The following EPHB2 variants were observed in gnomAD, a reference collection of about 807,000 sequenced individuals.
EPHB2 encodes the protein ephrin type-B receptor 2.
In EPHB2, 18 loss-of-function variants were observed where a neutral mutation model predicts 96.4. That is an observed-to-expected ratio of 0.19 (90% CI 0.13 to 0.28). The LOEUF is 0.28. EPHB2 is among the 10% of genes least tolerant of loss of function. EPHB2 has a pLI of 1.00. For synonymous variants in EPHB2, 506 were observed against 534.1 expected, an observed-to-expected ratio of 0.95 and a Z score of 0.72; for missense variants, 989 against 1,355.4, an observed-to-expected ratio of 0.73 and a Z score of 4.25.
intron 4 of EPHB2, among the ~76,000 whole-genome samples, chr1:22,864,034 C>CTT (rs201727615): frequency 9.0e-4 from 118 of 131,156 alleles, no homozygotes; most frequent in African/African-American, 3.7e-3. Flanking sequence ...AGTTTCTGTT[C>CTT]TTTTTTTTTT....
intron 5 of EPHB2, among the ~76,000 whole-genome samples, chr1:22,881,156 T>C (rs948507904): frequency 2.0e-5 from 3 of 152,112 alleles, no homozygotes; most frequent in Non-Finnish European, 4.4e-5. Context: ...ACCCCAGCAC[T>C]CTGGGAGACT....
At chr1:22,809,442 T>G (rs1333001047) in intron 3 of EPHB2, among the ~76,000 whole-genome samples, 1 of 152,198 alleles carries the variant, frequency 6.6e-6, no homozygotes, top group Non-Finnish European at 1.5e-5. Flanking sequence ...GGAAATACAG[T>G]CTTTATTCAT....
intron 3 of EPHB2, among the ~76,000 whole-genome samples, chr1:22,829,936 T>G (rs1364502652): frequency 1.3e-5 from 2 of 152,032 alleles, no homozygotes; most frequent in Non-Finnish European, 2.9e-5. Flanking sequence ...GTGATGGCAA[T>G]GGGGCAGGAG....
chr1:22,711,234 G>A (rs75261957), intron 1 of EPHB2, among the ~76,000 whole-genome samples, 191 bp downstream of exon 1: 8,692 of 147,004 alleles, frequency 0.059, 425 homozygotes, highest in East Asian at 0.26. Context: ...GGGAGCGGCG[G>A]GCGCTGATTG....
At chr1:22,792,732 A>C (rs1417149087) in intron 3 of EPHB2, among the ~76,000 whole-genome samples, 1 of 152,182 alleles carries the variant, frequency 6.6e-6, no homozygotes, top group Non-Finnish European at 1.5e-5. Flanking sequence ...GTCATGTGCC[A>C]GGCATTAGGG....
At chr1:22,782,777 G>GA (rs371210915) in intron 2 of EPHB2, among the ~76,000 whole-genome samples, 49 of 148,322 alleles carry the variant, frequency 3.3e-4, no homozygotes, top group East Asian at 9.8e-4. Flanking sequence ...CCACCAAAAA[G>GA]AAAAAAAAAA....
chr1:22,898,428 G>C lies in EPHB2; in HGVS notation c.1765+1950G>C, dbSNP rs748669688. Among the ~76,000 whole-genome samples the C allele has an allele frequency of 1.6e-4, 24 of 152,314 alleles. 1 individual carries two copies. The highest frequency in any genetic ancestry group is 1.1e-3 in the Admixed American group (17 of 15,296). ...GGAACAGCCAATACAAAGGTCTTGA[G>C]GCTGGAGCTTCCTGGCAGGTTTCGG... On this transcript the variant is annotated intron_variant, in intron 9 of 15. Coordinates refer to ENST00000374630, the MANE Select transcript of EPHB2 (RefSeq NM_017449.5).
chr1:22,796,109 A>T (rs994783424), intron 3 of EPHB2, among the ~76,000 whole-genome samples: 1 of 152,228 alleles, frequency 6.6e-6, no homozygotes, highest in Non-Finnish European at 1.5e-5. Context: ...AGAACCTGGA[A>T]ATACAGTGGT....
chr1:22,865,850 C>A (rs1240858364), intron 5 of EPHB2, among the ~76,000 whole-genome samples: 1 of 152,184 alleles, frequency 6.6e-6, no homozygotes, highest in East Asian at 1.9e-4. Flanking sequence ...TCAGCCCACT[C>A]CAGTCTTAAC....
At position 22,857,802 on chromosome 1, in the gene EPHB2, A is replaced by G. The variant is rs542532599; in HGVS notation, c.812-5235A>G. On this transcript the variant is annotated intron_variant, in intron 3 of 15. Transcript: ENST00000374630. ...ATTGTGATGGTACCTTGTAAGAGGC[A>G]CATTGATTCAATCAACCTGTACACA... 5.3e-5 allele frequency among the ~76,000 whole-genome samples: 8 copies of G among 152,204 alleles called. No homozygotes were observed. The South Asian group carries it at 1.7e-3, about 32-fold the overall frequency.
intron 3 of EPHB2, among the ~76,000 whole-genome samples, chr1:22,848,646 G>T (rs1645578985): frequency 6.6e-6 from 1 of 152,198 alleles, no homozygotes. Flanking sequence ...AAGTCAACAG[G>T]AGGAAGGTGA....
Position 22,916,546 on chromosome 1 carries a change from C to T in EPHB2, c.*2976C>T, listed in dbSNP as rs1257643712. ...TACCGGGGCAGTCGCCCCGCCCCAA[C>T]CTCTTGCTTGCTGCTCAGCGGGGAG... On this transcript the variant is annotated 3_prime_UTR_variant, in exon 16 of 16. Coordinates refer to ENST00000374630, the MANE Select transcript of EPHB2 (RefSeq NM_017449.5). The surrounding 1 kb of genome is among the most constrained non-coding windows in gnomAD (Gnocchi z 4.2). 1.3e-5 allele frequency: 2 copies of T among 151,790 alleles called. No individual in the cohort carries two copies. Among genetic ancestry groups the T allele is most frequent in the Non-Finnish European group, 2.9e-5 (2 of 68,042 alleles). 9.4% of individuals were successfully genotyped at this position (151,790 alleles called of 1,614,324 possible). A position where few individuals can be genotyped will look rare whatever the true frequency, so the allele number is the denominator to read the frequency against.
intron 3 of EPHB2, among the ~76,000 whole-genome samples, chr1:22,822,069 G>T (rs1370767542): frequency 6.6e-6 from 1 of 152,228 alleles, no homozygotes; most frequent in Non-Finnish European, 1.5e-5. Flanking sequence ...TACAATAAAT[G>T]TAAGTAAGTA....
At chr1:22,856,993 C>CATG (rs1645709311) in intron 3 of EPHB2, among the ~76,000 whole-genome samples, 1 of 152,176 alleles carries the variant, frequency 6.6e-6, no homozygotes, top group South Asian at 2.1e-4. Context: ...TGGCTGAACA[C>CATG]CTACCATGTG....
At chr1:22,767,388 A>C (rs1644322036) in intron 1 of EPHB2, among the ~76,000 whole-genome samples, 1 of 152,228 alleles carries the variant, frequency 6.6e-6, no homozygotes, top group Non-Finnish European at 1.5e-5. Flanking sequence ...TTTGGGTCAC[A>C]CAGCCCAGAA....
chr1:22,917,586 G>A lies in EPHB2; in HGVS notation c.*4016G>A, dbSNP rs1259566467. ...ATCTGTAAAATGAGAGCATTGGACT[G>A]GGTGAGGCAGGCTGTGCAAAACACT... is the stretch of plus-strand genomic sequence containing the variant. On this transcript the variant is annotated 3_prime_UTR_variant, in exon 16 of 16. Transcript: ENST00000374630. 1.3e-5 allele frequency: 2 copies of A among 152,224 alleles called. No individual in the cohort carries two copies. Among genetic ancestry groups the A allele is most frequent in the Non-Finnish European group, 2.9e-5 (2 of 68,058 alleles). 9.4% of individuals were successfully genotyped at this position (152,224 alleles called of 1,614,324 possible).
At chr1:22,856,966 A>T (rs1032301787) in intron 3 of EPHB2, among the ~76,000 whole-genome samples, 1 of 152,196 alleles carries the variant, frequency 6.6e-6, no homozygotes, top group African/African-American at 2.4e-5. Flanking sequence ...ACCTGCCTTC[A>T]TTCAGCAAAA....
chr1:22,762,178 T>G (rs566030685), intron 1 of EPHB2, among the ~76,000 whole-genome samples: 4 of 152,150 alleles, frequency 2.6e-5, no homozygotes, highest in South Asian at 4.2e-4. Flanking sequence ...GGGGCCAGGG[T>G]GCAGGCAGTG....
At chr1:22,863,972 C>A (rs1638369544) in intron 4 of EPHB2, among the ~76,000 whole-genome samples, 1 of 152,054 alleles carries the variant, frequency 6.6e-6, no homozygotes, top group Non-Finnish European at 1.5e-5. Flanking sequence ...AGGAATCTTC[C>A]CGCATCCTCC....
Sources: gnomAD v4.1 joint callset for allele counts (sites outside exome capture counted in the v4.1 genomes callset) on GRCh38, gnomAD v4.1.1 for gene constraint, Gnocchi (gnomAD v3.1) non-coding constraint, MANE v1.5 for transcripts, NCBI Gene and HGNC (gene_info 2026-07-23, HGNC 2026-07-21) for gene names.